Variants in MYCBPAP observed in about 807,000 individuals in gnomAD.
MYCBPAP encodes MYCBP associated protein.
A neutral mutation model predicts 106.1 loss-of-function variants in MYCBPAP; 60 were observed. That is an observed-to-expected ratio of 0.57 (90% CI 0.46 to 0.70). MYCBPAP has a LOEUF of 0.70. Ranked by LOEUF, MYCBPAP falls within the 30% of genes least tolerant of loss-of-function variation. The probability of loss-of-function intolerance (pLI) is 0.00; values close to 1 mark genes in which losing one functional copy is unlikely to be tolerated. For missense variants in MYCBPAP, 1,064 were observed against 1,169.3 expected (o/e 0.91, Z 1.31); for synonymous variants, 407 against 440.6 (o/e 0.92, Z 0.95).
At chr17:50,523,170 G>T (rs1348912524) in intron 11 of MYCBPAP, 42 bp downstream of exon 11, 26 of 1,588,110 alleles carry the variant, frequency 1.6e-5, no homozygotes, top group Non-Finnish European at 2.2e-5. Context: ...TCCTGTCTGG[G>T]GCTGGTTTTG....
At position 50,517,452 on chromosome 17, in the gene MYCBPAP, G is replaced by A. The variant is rs145797399; in HGVS notation, c.364G>A (p.Gly122Ser). 698 of 1,613,998 alleles carry A rather than the reference G, an allele frequency of 4.3e-4. 5 individuals are homozygous for A. Among genetic ancestry groups the A allele is most frequent in the Admixed American group, 4.7e-4 (28 of 59,994 alleles). Residue 122 changes from glycine to serine, a missense_variant and splice_region_variant, in exon 3 of 19, where the codon GGT (glycine) becomes AGT (serine). Gly to Ser is a moderately conservative substitution (Grantham distance 56). Coordinates refer to ENST00000323776, the MANE Select transcript of MYCBPAP (RefSeq NM_032133.6). ...AGCCACAAAGCCTCTGGACTACTCC[G>A]GTACACCCAGTCTCAGCCCTGGCTT... is the stretch of plus-strand genomic sequence containing the variant. ...DEATKPLDYSGPGDSFDGSDQ... is the reference protein window; with the variant it reads ...DEATKPLDYSSPGDSFDGSDQ...
rs2034640893 is a variant in MYCBPAP, at chr17:50,531,394, A to G, written c.2792A>G (p.Lys931Arg). ...CTGGCTGATGAGCTCAGCCCCATAA[A>G]GAATGTCGAGGAGGCTTTGCGCCTC... ...MVLADELSPI[K>R]NVEEALRLCR The change falls in exon 19 of 19, where the codon AAG (lysine) becomes AGG (arginine). Residue 931 changes from lysine to arginine, a missense_variant. Lys to Arg is a conservative substitution (Grantham distance 26). Coordinates refer to ENST00000323776, the MANE Select transcript of MYCBPAP (RefSeq NM_032133.6). 6.2e-7 allele frequency: 1 copy of G among 1,613,590 alleles called. No homozygotes were observed. Among genetic ancestry groups the G allele is most frequent in the Middle Eastern group, 1.7e-4 (1 of 6,048 alleles).
Position 50,528,991 on chromosome 17 carries a change from G to A in MYCBPAP, c.2554-27G>A, listed in dbSNP as rs756561276. The A allele has an allele frequency of 4.3e-6, 7 of 1,609,390 alleles. No homozygotes were observed. In the African/African-American group the frequency reaches 8.0e-5, roughly 18 times the overall value. Reference sequence around the variant, plus strand: ...TGGCCTACCTCTGGAGCTCCTGAAGGCTATGTGTGTCTCCCTCCCCCAGCA... The same window carrying A: ...TGGCCTACCTCTGGAGCTCCTGAAGACTATGTGTGTCTCCCTCCCCCAGCA... On this transcript the variant is annotated intron_variant, in intron 17 of 18. Transcript: ENST00000323776.
rs565925764 is a variant in MYCBPAP at position 50,530,127 on chromosome 17, T to C, written c.2724+939T>C. On this transcript the variant is annotated intron_variant, in intron 18 of 18. Coordinates refer to ENST00000323776, the MANE Select transcript of MYCBPAP (RefSeq NM_032133.6). ...AAGATATCAGATGGTTGATGGGGTC[T>C]AGAAAGTAATTAAAGGGCTCTGAGG... 141 of 365,432 alleles carry C rather than the reference T, an allele frequency of 3.9e-4. 2 individuals carry two copies. The highest frequency in any genetic ancestry group is 3.2e-3 in the Middle Eastern group (8 of 2,496). 22.6% of individuals were successfully genotyped at this position (365,432 alleles called of 1,614,324 possible).
intron 4 of MYCBPAP, 146 bp from the exon 5 acceptor site, chr17:50,518,395 C>A: frequency 1.6e-6 from 1 of 612,308 alleles, no homozygotes. Flanking sequence ...GATTTATTTT[C>A]TGTCACTGGC....
At position 50,519,655 on chromosome 17, in the gene MYCBPAP, G is replaced by A; in HGVS notation, c.784G>A (p.Gly262Arg). Residue 262 changes from glycine to arginine, a missense_variant, in exon 7 of 19, where the codon GGG (glycine) becomes AGG (arginine). Physicochemically the swap from Gly to Arg is moderately radical, Grantham distance 125. Transcript: ENST00000323776. ...RRDRKSWENS[G>R]FWSRLEYLGD... Reference sequence around the variant, plus strand: ...TCCTTGCCAGAGCTGGGAGAACAGTGGGTTCTGGAGTCGACTGGAATACTT... The same window carrying A: ...TCCTTGCCAGAGCTGGGAGAACAGTAGGTTCTGGAGTCGACTGGAATACTT... 1 of 1,614,106 alleles carries A rather than the reference G, an allele frequency of 6.2e-7. No homozygotes were observed. Among genetic ancestry groups the A allele is most frequent in the Non-Finnish European group, 8.5e-7 (1 of 1,180,026 alleles).
At chr17:50,529,247 TCA>T in intron 18 of MYCBPAP, 59 bp downstream of exon 18, 1 of 1,495,258 alleles carries the variant, frequency 6.7e-7, no homozygotes. Context: ...TTCATTCCGT[TCA>T]GTCTGCAGAC....
In MYCBPAP at chr17:50,514,995, G is replaced by T. The variant is rs1327880298; in HGVS notation, c.77-1575G>T. 1.9e-5 allele frequency: 7 copies of T among 364,872 alleles called. No individual in the cohort carries two copies. In the East Asian group the frequency reaches 6.6e-4, roughly 34 times the overall value. The allele number at this position is 364,872 out of a possible 1,614,324, so 22.6% of individuals were successfully genotyped here. A position where few individuals can be genotyped will look rare whatever the true frequency, so the allele number is the denominator to read the frequency against. On this transcript the variant is annotated intron_variant, in intron 1 of 18. Transcript: ENST00000323776. ...CTGAGCTCTTCACGATATGGCGGCTGCTGCTGTCTCTGGGCTCTGCCTCTT... is the reference window on the plus strand; with the variant it reads ...CTGAGCTCTTCACGATATGGCGGCTTCTGCTGTCTCTGGGCTCTGCCTCTT...
chr17:50,517,774 AG>A (rs781762978), intron 4 of MYCBPAP, 76 bp downstream of exon 4: 15 of 1,233,556 alleles, frequency 1.2e-5, no homozygotes, highest in Non-Finnish European at 1.8e-5. Flanking sequence ...ACAGTCAAGC[AG>A]GGCTGGGGTT....
At position 50,508,486 on chromosome 17, in the gene MYCBPAP, C is replaced by T; in HGVS notation, c.-189C>T. 6.8e-7 allele frequency: 1 copy of T among 1,465,098 alleles called. No individual in the cohort carries two copies. Among genetic ancestry groups the T allele is most frequent in the South Asian group, 1.3e-5 (1 of 78,128 alleles). The allele number at this position is 1,465,098 out of a possible 1,614,324, so 90.8% of individuals were successfully genotyped here. On this transcript the variant is annotated 5_prime_UTR_variant, in exon 1 of 19. Coordinates refer to ENST00000323776, the MANE Select transcript of MYCBPAP (RefSeq NM_032133.6). ...CTCTTGAAGCCGCCGGCGGCGGGCG[C>T]GTGCGCGGCCCGATGAAGAAGGAGG...
rs375102201 is a variant in MYCBPAP at position 50,508,763 on chromosome 17, T to G, written c.76+13T>G. ...GAGAATGTCAAAGGTTGGCGCTGGC[T>G]GCCTTGGGCGCTCGGGAGAACCCGA... is the stretch of plus-strand genomic sequence containing the variant. On this transcript the variant is annotated intron_variant, in intron 1 of 18. Transcript: ENST00000323776. 102 of 1,604,248 alleles carry G rather than the reference T, an allele frequency of 6.4e-5. No individual in the cohort carries two copies. The highest frequency in any genetic ancestry group is 8.7e-5 in the Non-Finnish European group (102 of 1,174,268).
chr17:50,510,614 C>A lies in MYCBPAP; in HGVS notation c.76+1864C>A, dbSNP rs542781696. Among the ~76,000 whole-genome samples, 3 of 146,962 alleles carry A rather than the reference C, an allele frequency of 2.0e-5. No individual in the cohort carries two copies. In the Admixed American group the frequency reaches 2.1e-4, roughly 10 times the overall value. On this transcript the variant is annotated intron_variant, in intron 1 of 18. Transcript: ENST00000323776. ...AGTCATAGGTCACTATAGTCTTGAA[C>A]TTCTGGGCTCAAGTGAACCTCCTGC...
At chr17:50,508,366 C>A (rs867571448), upstream of MYCBPAP, 1 of 522,570 alleles carries the variant, frequency 1.9e-6, no homozygotes, top group African/African-American at 2.0e-5. Context: ...CCGGGTCCCC[C>A]GCCCCGCCCC....
chr17:50,521,201 G>A lies in MYCBPAP; in HGVS notation c.1008G>A (p.Met336Ile). The change falls in exon 8 of 19, where the codon ATG becomes ATA. Residue 336 changes from methionine (M) to isoleucine (I), a missense_variant. By Grantham distance (10) the Met-to-Ile change is conservative. Coordinates refer to ENST00000323776, the MANE Select transcript of MYCBPAP (RefSeq NM_032133.6). ...IYRRKELQRI[M>I]EELDFSQQDI... ...GACGCAAGGAGCTGCAGAGAATCAT[G>A]GAAGAGCTGGATTTCAGCCAGCAGG... is the stretch of plus-strand genomic sequence containing the variant. 6.2e-7 allele frequency: 1 copy of A among 1,613,136 alleles called. No individual in the cohort carries two copies. The highest frequency in any genetic ancestry group is 1.1e-5 in the South Asian group (1 of 90,658).
intron 13 of MYCBPAP, among the ~76,000 whole-genome samples, 162 bp from the exon 14 acceptor site, chr17:50,525,719 G>C (rs2034436451): frequency 6.7e-6 from 1 of 148,816 alleles, no homozygotes; most frequent in Non-Finnish European, 1.5e-5. Context: ...TTGAACTCCT[G>C]AGTTCAAGTG....
In MYCBPAP at chr17:50,524,733, T is replaced by TGA. The variant is rs1412064599; in HGVS notation, c.1636-143_1636-142insAG. ...AGGCGTGTGTGTGTGTGTGTGTGTG[T>TGA]GTGTGAGAGAGAGAGAGAGAGAGAG... is the stretch of plus-strand genomic sequence containing the variant. On this transcript the variant is annotated intron_variant, in intron 12 of 18. Coordinates refer to ENST00000323776, the MANE Select transcript of MYCBPAP (RefSeq NM_032133.6). The TGA allele has an allele frequency of 4.2e-4, 120 of 288,088 alleles. No homozygotes were observed. In the East Asian group the frequency reaches 4.9e-3, roughly 12 times the overall value. 17.8% of individuals were successfully genotyped at this position (288,088 alleles called of 1,614,324 possible).
intron 1 of MYCBPAP, chr17:50,510,529 A>ATATATATATATATATG (rs2033806647): frequency 1.5e-5 from 2 of 130,856 alleles, no homozygotes; most frequent in African/African-American, 5.8e-5. Flanking sequence ...ATATATATAT[A>ATATATATATATATATG]TATATATGTA....
chr17:50,522,709 A>AAAAAAAAAAAAAAAAAATATTTATATAT, intron 10 of MYCBPAP: 1 of 50,016 alleles, frequency 2.0e-5, no homozygotes, highest in Non-Finnish European at 3.4e-5. Flanking sequence ...AAAAAAAAAA[A>AAAAAAAAAAAAAAAAAATATTTATATAT]ATATATATAT....
At chr17:50,521,556 C>T (rs1405275403) in intron 9 of MYCBPAP, 125 bp downstream of exon 9, 1 of 720,166 alleles carries the variant, frequency 1.4e-6, no homozygotes, top group East Asian at 2.7e-5. Context: ...CAGTGGTTGC[C>T]ACCCACTCCT....
Sources: allele counts gnomAD v4.1 joint callset (sites outside exome capture counted in the v4.1 genomes callset), GRCh38; gene constraint gnomAD v4.1.1; transcripts MANE v1.5; gene names NCBI Gene and HGNC (gene_info 2026-07-23, HGNC 2026-07-21).